Variants in ARB2A observed in about 807,000 individuals in gnomAD.
The protein encoded by ARB2A is ARB2 cotranscriptional regulator A.
At chr5:93,916,517 T>G in the ARB2A span, among the ~76,000 whole-genome samples, 1 of 152,146 alleles carries the variant, frequency 6.6e-6, no homozygotes, top group Non-Finnish European at 1.5e-5. Context: ...GCTTTAAAAA[T>G]ATGACCTATT....
the ARB2A span, among the ~76,000 whole-genome samples, chr5:94,081,770 A>G: frequency 1.3e-5 from 2 of 152,124 alleles, no homozygotes; most frequent in African/African-American, 4.8e-5. Context: ...GTTCAAAGAC[A>G]TACACTTGCA....
At chr5:94,001,348 C>T in the ARB2A span, among the ~76,000 whole-genome samples, 5 of 151,906 alleles carry the variant, frequency 3.3e-5, no homozygotes, top group African/African-American at 1.2e-4. Flanking sequence ...TCAAGTAGCT[C>T]GTGTACAAAT....
At chr5:93,948,378 T>A in the ARB2A span, among the ~76,000 whole-genome samples, 2 of 152,224 alleles carry the variant, frequency 1.3e-5, no homozygotes, top group Non-Finnish European at 2.9e-5. Context: ...CTTGTAAATT[T>A]GTTTGAGTTC....
At chr5:94,082,063 T>C in the ARB2A span, among the ~76,000 whole-genome samples, 1 of 152,170 alleles carries the variant, frequency 6.6e-6, no homozygotes, top group African/African-American at 2.4e-5. Context: ...ACATATTATT[T>C]TCTAGGTATA....
At chr5:93,946,218 A>G in the ARB2A span, among the ~76,000 whole-genome samples, 1 of 152,068 alleles carries the variant, frequency 6.6e-6, no homozygotes, top group Non-Finnish European at 1.5e-5. Flanking sequence ...AAGACAAGAC[A>G]TTGATATTGA....
chr5:94,024,265 G>C, the ARB2A span, among the ~76,000 whole-genome samples: 1 of 152,008 alleles, frequency 6.6e-6, no homozygotes, highest in African/African-American at 2.4e-5. Flanking sequence ...ATCAGTTAAA[G>C]GCCTTAGCAA....
At chr5:93,704,753 G>A in the ARB2A span, among the ~76,000 whole-genome samples, 1 of 152,326 alleles carries the variant, frequency 6.6e-6, no homozygotes, top group African/African-American at 2.4e-5. Context: ...CACGGAGTGT[G>A]TCCCCTTTGC....
chr5:93,847,344 T>C, the ARB2A span, among the ~76,000 whole-genome samples: 11 of 152,204 alleles, frequency 7.2e-5, no homozygotes, highest in Non-Finnish European at 1.6e-4. Flanking sequence ...AACAAACCAG[T>C]ATATTTTATC....
the ARB2A span, among the ~76,000 whole-genome samples, chr5:93,835,088 C>T: frequency 8.1e-4 from 123 of 151,542 alleles, 1 homozygote; most frequent in Non-Finnish European, 1.5e-3. Context: ...GGATATTTAC[C>T]CTAGAATTCT....
At chr5:93,639,514 A>G in the ARB2A span, among the ~76,000 whole-genome samples, 1 of 152,146 alleles carries the variant, frequency 6.6e-6, no homozygotes, top group East Asian at 1.9e-4. Flanking sequence ...AGGATCCCGA[A>G]CTTATTTACT....
At chr5:93,744,299 G>A in the ARB2A span, among the ~76,000 whole-genome samples, 1 of 151,642 alleles carries the variant, frequency 6.6e-6, no homozygotes, top group South Asian at 2.1e-4. Flanking sequence ...GCCAGGCATG[G>A]TGGCGCGGAC....
chr5:93,815,157 A>G, the ARB2A span, among the ~76,000 whole-genome samples: 3 of 152,228 alleles, frequency 2.0e-5, no homozygotes, highest in African/African-American at 4.8e-5. Flanking sequence ...AACACTTTCA[A>G]TCCACAAAGT....
the ARB2A span, among the ~76,000 whole-genome samples, chr5:93,851,588 A>T: frequency 1.7e-4 from 26 of 152,124 alleles, no homozygotes; most frequent in Admixed American, 9.2e-4. Flanking sequence ...TATCTCCTAA[A>T]GCTATCCCTC....
At chr5:93,839,893 A>G in the ARB2A span, among the ~76,000 whole-genome samples, 3 of 152,004 alleles carry the variant, frequency 2.0e-5, no homozygotes, top group African/African-American at 7.2e-5. Flanking sequence ...ATTTCTGATT[A>G]TATTTATTTG....
the ARB2A span, among the ~76,000 whole-genome samples, chr5:93,858,899 G>A: frequency 6.6e-6 from 1 of 152,174 alleles, no homozygotes; most frequent in African/African-American, 2.4e-5. Flanking sequence ...GAAAAGACTT[G>A]TTGGTAGTGG....
At chr5:93,855,722 T>C in the ARB2A span, among the ~76,000 whole-genome samples, 1 of 152,176 alleles carries the variant, frequency 6.6e-6, no homozygotes, top group Non-Finnish European at 1.5e-5. Context: ...TTATGAAGCT[T>C]AGTTTGGCTG....
the ARB2A span, chr5:93,620,715 A>C: frequency 3.1e-6 from 1 of 327,576 alleles, no homozygotes; most frequent in Non-Finnish European, 5.4e-6. Context: ...CGGCCGAGCC[A>C]GGCAGGGCGC....
At chr5:93,896,429 T>C in the ARB2A span, among the ~76,000 whole-genome samples, 133,436 of 152,070 alleles carry the variant, frequency 0.88, 59,633 homozygotes, top group East Asian at 1. Flanking sequence ...ATAAAGTTAC[T>C]TTCAGGCCAT....
chr5:93,841,031 CTG>C, the ARB2A span, among the ~76,000 whole-genome samples: 1 of 152,138 alleles, frequency 6.6e-6, no homozygotes, highest in African/African-American at 2.4e-5. Context: ...CTGGGCTCCA[CTG>C]TACTCCTGGG....
Sources: allele counts gnomAD v4.1 joint callset (sites outside exome capture counted in the v4.1 genomes callset), GRCh38; gene constraint gnomAD v4.1.1; transcripts MANE v1.5; gene names NCBI Gene and HGNC (gene_info 2026-07-23, HGNC 2026-07-21).